NKAIN1: variants seen among roughly 807,000 people sequenced by gnomAD.
The protein encoded by NKAIN1 is sodium/potassium-transporting ATPase subunit beta-1-interacting protein 1.
Under a neutral mutation model 31.6 loss-of-function variants are expected in NKAIN1, and 13 were observed. That is an observed-to-expected ratio of 0.41 (90% confidence interval 0.27 to 0.65). The LOEUF (loss-of-function observed/expected upper bound fraction) is 0.65, where lower values mean the gene tolerates loss of function less well. Among genes scored for constraint, NKAIN1 ranks in the 30% least tolerant of loss-of-function variants. The probability of loss-of-function intolerance (pLI) is 0.30; values close to 1 mark genes in which losing one functional copy is unlikely to be tolerated. For synonymous variants in NKAIN1, 104 were observed against 109.0 expected, an observed-to-expected ratio of 0.95 and a Z score of 0.28; for missense variants, 193 against 262.2, an observed-to-expected ratio of 0.74 and a Z score of 1.82.
At chr1:31,206,260 A>AATAAATAAAT (rs56809902) in intron 1 of NKAIN1, among the ~76,000 whole-genome samples, 20 of 61,008 alleles carry the variant, frequency 3.3e-4, no homozygotes, top group Non-Finnish European at 8.3e-4. Flanking sequence ...AAATAAAATA[A>AATAAATAAAT]AAATAAATAA....
intron 1 of NKAIN1, among the ~76,000 whole-genome samples, chr1:31,220,003 ATTTT>A (rs11453918): frequency 6.3e-4 from 81 of 127,744 alleles, no homozygotes; most frequent in African/African-American, 1.3e-3. Flanking sequence ...GAACACTCAG[ATTTT>A]TTTTTTTTTT....
chr1:31,231,655 C>G (rs568937273), intron 1 of NKAIN1, among the ~76,000 whole-genome samples: 65 of 152,096 alleles, frequency 4.3e-4, no homozygotes, highest in Middle Eastern at 3.4e-3. Flanking sequence ...CTCAGCCTCC[C>G]GAGTAGCTGG....
chr1:31,224,491 T>C (rs962413708), intron 1 of NKAIN1, among the ~76,000 whole-genome samples: 9 of 152,124 alleles, frequency 5.9e-5, no homozygotes, highest in Admixed American at 4.6e-4. Flanking sequence ...AATAAACCCA[T>C]CGTAAGTCAA....
At chr1:31,237,810 T>C (rs988162683) in intron 1 of NKAIN1, among the ~76,000 whole-genome samples, 1 of 152,170 alleles carries the variant, frequency 6.6e-6, no homozygotes, top group Non-Finnish European at 1.5e-5. Flanking sequence ...AAACTTACTT[T>C]TTATTTATCT....
At chr1:31,199,064 A>G (rs12119504) in intron 1 of NKAIN1, among the ~76,000 whole-genome samples, 98,867 of 152,070 alleles carry the variant, frequency 0.65, 34,633 homozygotes, top group Middle Eastern at 0.83. Context: ...CAGCCATGTC[A>G]CCATAGGCCT....
chr1:31,187,596 G>A (rs998969246), intron 2 of NKAIN1, among the ~76,000 whole-genome samples: 10 of 152,112 alleles, frequency 6.6e-5, no homozygotes, highest in African/African-American at 1.4e-4. Context: ...GTGTGGTGCC[G>A]CAGCAGGAGC....
chr1:31,200,013 G>GCACGCA (rs1645364664), intron 1 of NKAIN1, among the ~76,000 whole-genome samples: 1 of 95,164 alleles, frequency 1.1e-5, no homozygotes, highest in Non-Finnish European at 2.5e-5. Context: ...GCACACACAT[G>GCACGCA]CACACACACA....
rs1570446401 is a variant in NKAIN1, at chr1:31,181,884, T to C, written c.590A>G (p.His197Arg). The change falls in exon 6 of 7, where the codon CAT becomes CGT. Residue 197 changes from histidine (H) to arginine (R), a missense_variant. Physicochemically the swap from His to Arg is conservative, Grantham distance 29 (BLOSUM62 0). Coordinates refer to ENST00000373736, the MANE Select transcript of NKAIN1 (RefSeq NM_024522.3). Reference sequence around the variant, plus strand: ...CGTGTACAGAGGCTGCAGCTGTAAATGCGACGTCTTCTGGGGCGCCTGGTA... The same window carrying C: ...CGTGTACAGAGGCTGCAGCTGTAAACGCGACGTCTTCTGGGGCGCCTGGTA... ...YGYQAPQKTS[H>R]LQLQPLYTSG 1 of 1,608,344 alleles carries C rather than the reference T, an allele frequency of 6.2e-7. No individual in the cohort carries two copies. Among genetic ancestry groups the C allele is most frequent in the East Asian group, 2.2e-5 (1 of 44,734 alleles).
chr1:31,206,652 G>A lies in NKAIN1; in HGVS notation c.55-18465C>T, dbSNP rs565474694. 2.0e-5 allele frequency among the ~76,000 whole-genome samples: 3 copies of A among 152,212 alleles called. No homozygotes were observed. The East Asian group carries it at 5.8e-4, about 29-fold the overall frequency. On this transcript the variant is annotated intron_variant, in intron 1 of 6. Coordinates refer to ENST00000373736, the MANE Select transcript of NKAIN1 (RefSeq NM_024522.3). ...GGGTTTCACCATGTTGCTCAGGTTG[G>A]TCTCAAACTCTTGAGCTCCAGCAAT... is the stretch of plus-strand genomic sequence containing the variant.
rs1252576075 is a variant in NKAIN1, at chr1:31,232,408, T to G, written c.54+7086A>C. Among the ~76,000 whole-genome samples, 7 of 29,394 alleles carry G rather than the reference T, an allele frequency of 2.4e-4. 1 individual carries two copies. Among genetic ancestry groups the G allele is most frequent in the Admixed American group, 5.4e-4 (1 of 1,868 alleles). The allele number at this position is 29,394 out of a possible 152,430, so 19.3% of individuals were successfully genotyped here. A position where few individuals can be genotyped will look rare whatever the true frequency, so the allele number is the denominator to read the frequency against. On this transcript the variant is annotated intron_variant, in intron 1 of 6. Coordinates refer to ENST00000373736, the MANE Select transcript of NKAIN1 (RefSeq NM_024522.3). ...GTCTGGCCTACTTCATATATATATA[T>G]ATATATATATATATATAGAGAGAGA...
chr1:31,196,140 A>G (rs1272567728), intron 1 of NKAIN1, among the ~76,000 whole-genome samples: 3 of 152,052 alleles, frequency 2.0e-5, no homozygotes, highest in Admixed American at 6.6e-5. Flanking sequence ...GCACTTTGGG[A>G]GACCGAGGTG....
chr1:31,182,403 C>A, intron 5 of NKAIN1, 127 bp downstream of exon 5: 1 of 1,012,120 alleles, frequency 9.9e-7, no homozygotes, highest in East Asian at 2.4e-5. Context: ...CCAGCCGCCT[C>A]TTCCCCTCGA....
intron 1 of NKAIN1, among the ~76,000 whole-genome samples, chr1:31,226,052 AAAG>A (rs1645601709): frequency 6.6e-6 from 1 of 152,252 alleles, no homozygotes; most frequent in Admixed American, 6.5e-5. Context: ...AGGGAATATA[AAAG>A]GTTTAGCTGA....
At chr1:31,235,124 A>C (rs6701667) in intron 1 of NKAIN1, among the ~76,000 whole-genome samples, 76,436 of 151,858 alleles carry the variant, frequency 0.5, 20,110 homozygotes, top group Non-Finnish European at 0.59. Context: ...AGTGCTTAGC[A>C]CAGGACTCCT....
intron 5 of NKAIN1, 103 bp from the exon 6 acceptor site, chr1:31,182,044 G>C (rs1645205962): frequency 8.5e-7 from 1 of 1,173,168 alleles, no homozygotes; most frequent in Admixed American, 2.0e-5. Flanking sequence ...TCCCACCCTA[G>C]GAAGCGGAGC....
At chr1:31,230,733 T>C (rs1645641083) in intron 1 of NKAIN1, among the ~76,000 whole-genome samples, 1 of 148,302 alleles carries the variant, frequency 6.7e-6, no homozygotes. Context: ...TTTTAATTTT[T>C]GTGGGTTACA....
chr1:31,187,939 G>T, intron 2 of NKAIN1, 111 bp downstream of exon 2: 2 of 1,174,852 alleles, frequency 1.7e-6, no homozygotes, highest in Non-Finnish European at 2.4e-6. Context: ...GTGGAGCCAA[G>T]ACCAGTGCCC....
chr1:31,226,983 C>T (rs12562438), intron 1 of NKAIN1, among the ~76,000 whole-genome samples: 31,543 of 151,482 alleles, frequency 0.21, 3,729 homozygotes, highest in African/African-American at 0.32. Context: ...CGCCACCACA[C>T]CCAGCTAATT....
chr1:31,196,697 AAAATAAATAAATAAATAAATAAATAAAT>A (rs142670426), intron 1 of NKAIN1, among the ~76,000 whole-genome samples: 1 of 145,186 alleles, frequency 6.9e-6, no homozygotes. Flanking sequence ...TTCCATCTCA[AAAATAAATAAATAAATAAATAAATAAAT>A]AAATAAATAA....
Sources: gnomAD v4.1 joint callset for allele counts (sites outside exome capture counted in the v4.1 genomes callset) on GRCh38, gnomAD v4.1.1 for gene constraint, MANE v1.5 for transcripts, NCBI Gene and HGNC (gene_info 2026-07-23, HGNC 2026-07-21) for gene names.